Variants in TAFA1 observed in about 807,000 individuals in gnomAD.
The protein encoded by TAFA1 is TAFA chemokine like family member 1.
In TAFA1, 4 loss-of-function variants were observed where a neutral mutation model predicts 18.5. The observed-to-expected ratio is 0.22, with a 90% CI of 0.11 to 0.49. TAFA1 has a LOEUF of 0.49. Among genes scored for constraint, TAFA1 ranks in the 20% least tolerant of loss-of-function variants. TAFA1 has a pLI of 0.98. For synonymous variants in TAFA1, 56 were observed against 55.2 expected, an observed-to-expected ratio of 1.01 and a Z score of -0.06; for missense variants, 147 against 169.0, an observed-to-expected ratio of 0.87 and a Z score of 0.72.
chr3:68,331,471 A>G (rs1232709227), intron 2 of TAFA1, among the ~76,000 whole-genome samples: 12 of 152,254 alleles, frequency 7.9e-5, no homozygotes, highest in Admixed American at 7.8e-4. Context: ...CTTGAAAAAT[A>G]TTTAATAAAT....
chr3:68,407,891 C>A (rs1224066188), intron 2 of TAFA1, among the ~76,000 whole-genome samples: 1 of 152,144 alleles, frequency 6.6e-6, no homozygotes, highest in Admixed American at 6.6e-5. Flanking sequence ...AATCAAGCAG[C>A]TATTTTGCCC....
chr3:68,184,701 G>C (rs2066249268), intron 2 of TAFA1, among the ~76,000 whole-genome samples: 1 of 152,062 alleles, frequency 6.6e-6, no homozygotes, highest in African/African-American at 2.4e-5. Context: ...ATGAGCAAAG[G>C]TTAACTACTC....
intron 2 of TAFA1, among the ~76,000 whole-genome samples, chr3:68,306,458 C>A (rs1279096369): frequency 6.6e-6 from 1 of 152,138 alleles, no homozygotes; most frequent in Non-Finnish European, 1.5e-5. Context: ...GTTTAGTTTT[C>A]ACATATTCAG....
chr3:68,304,952 C>T (rs957515041), intron 2 of TAFA1, among the ~76,000 whole-genome samples: 1 of 152,130 alleles, frequency 6.6e-6, no homozygotes, highest in African/African-American at 2.4e-5. Context: ...TTTACCTCTC[C>T]TCCTGCAAAC....
chr3:68,015,729 C>T (rs1368403738), intron 2 of TAFA1, among the ~76,000 whole-genome samples: 3 of 152,090 alleles, frequency 2.0e-5, no homozygotes, highest in Non-Finnish European at 2.9e-5. Flanking sequence ...GTCTGCAGCC[C>T]ACTAGTGAGT....
chr3:68,497,783 TTG>T (rs1477013773), intron 3 of TAFA1, among the ~76,000 whole-genome samples: 1 of 152,176 alleles, frequency 6.6e-6, no homozygotes, highest in Non-Finnish European at 1.5e-5. Flanking sequence ...CAGAATGGTT[TTG>T]TGTTTGTTCA....
chr3:68,175,636 T>C (rs2066114713), intron 2 of TAFA1, among the ~76,000 whole-genome samples: 1 of 152,220 alleles, frequency 6.6e-6, no homozygotes, highest in South Asian at 2.1e-4. Context: ...GTTTACCTGC[T>C]GTATCTAGAA....
intron 2 of TAFA1, among the ~76,000 whole-genome samples, chr3:68,257,802 T>C (rs2067328427): frequency 6.6e-6 from 1 of 152,138 alleles, no homozygotes; most frequent in South Asian, 2.1e-4. Context: ...TCACAGTGGA[T>C]AAACTTGGAA....
intron 3 of TAFA1, among the ~76,000 whole-genome samples, chr3:68,426,946 A>T (rs1307433102): frequency 6.6e-6 from 1 of 151,870 alleles, no homozygotes; most frequent in Non-Finnish European, 1.5e-5. Flanking sequence ...TTTAATGCGT[A>T]TACTTGGATT....
At chr3:68,082,860 C>G (rs907993825) in intron 2 of TAFA1, among the ~76,000 whole-genome samples, 28 of 152,120 alleles carry the variant, frequency 1.8e-4, no homozygotes, top group African/African-American at 6.3e-4. Context: ...TCGGAGCTAT[C>G]GAGTCCTGGT....
rs199687004 is a variant in TAFA1, at chr3:68,508,894, T to C, written c.260-29862T>C. 1.3e-4 allele frequency among the ~76,000 whole-genome samples: 19 copies of C among 151,898 alleles called. No homozygotes were observed. In the East Asian group the frequency reaches 3.5e-3, roughly 28 times the overall value. ...AAGATGAGAAGGCTGGCCAAGTAAA[T>C]GCATGAGGGAAGAGAATTGAGACAA... On this transcript the variant is annotated intron_variant, in intron 3 of 4. Transcript: ENST00000478136.
intron 2 of TAFA1, among the ~76,000 whole-genome samples, chr3:68,366,077 C>T (rs557258670): frequency 7.1e-4 from 95 of 132,956 alleles, no homozygotes; most frequent in African/African-American, 2.6e-3. Context: ...CAGAGCGAGA[C>T]TCCATCTCAA....
the TAFA1 span, among the ~76,000 whole-genome samples, chr3:67,994,571 T>C: frequency 3.3e-5 from 5 of 152,216 alleles, no homozygotes; most frequent in African/African-American, 1.2e-4. Context: ...TTGAGTGGAC[T>C]TTCAGATTGG....
At chr3:68,358,954 G>A (rs1473914487) in intron 2 of TAFA1, among the ~76,000 whole-genome samples, 1 of 151,888 alleles carries the variant, frequency 6.6e-6, no homozygotes, top group Non-Finnish European at 1.5e-5. Flanking sequence ...GAATTAATCA[G>A]GTATCATCTT....
intron 3 of TAFA1, among the ~76,000 whole-genome samples, chr3:68,489,903 T>C (rs1332400386): frequency 5.9e-5 from 9 of 152,216 alleles, no homozygotes; most frequent in Non-Finnish European, 1.3e-4. Flanking sequence ...GTGAATCAAA[T>C]GGCCAGCTGG....
At chr3:68,532,129 T>C (rs1464364551) in intron 3 of TAFA1, among the ~76,000 whole-genome samples, 1 of 152,142 alleles carries the variant, frequency 6.6e-6, no homozygotes, top group African/African-American at 2.4e-5. Context: ...TATTAACATG[T>C]ACATAGACAT....
At chr3:68,519,509 T>G (rs1411968753) in intron 3 of TAFA1, among the ~76,000 whole-genome samples, 1 of 152,266 alleles carries the variant, frequency 6.6e-6, no homozygotes. Context: ...ATGATGCATT[T>G]CATAAATAAA....
intron 2 of TAFA1, among the ~76,000 whole-genome samples, chr3:68,066,198 T>C (rs7433199): frequency 0.042 from 6,326 of 152,278 alleles, 195 homozygotes; most frequent in East Asian, 0.1. Flanking sequence ...TTATTATATA[T>C]CAATAAAGCC....
chr3:68,122,687 G>C (rs551197791), intron 2 of TAFA1, among the ~76,000 whole-genome samples: 1 of 152,236 alleles, frequency 6.6e-6, no homozygotes, highest in Admixed American at 6.5e-5. Context: ...AAAAAAGCAA[G>C]TTGCTTATAA....
Sources: gnomAD v4.1 joint callset for allele counts (sites outside exome capture counted in the v4.1 genomes callset) on GRCh38, gnomAD v4.1.1 for gene constraint, MANE v1.5 for transcripts, NCBI Gene and HGNC (gene_info 2026-07-23, HGNC 2026-07-21) for gene names.